Variants in SLC25A21 observed in about 807,000 individuals in gnomAD.
SLC25A21 encodes the protein mitochondrial 2-oxodicarboxylate carrier.
In SLC25A21, 47 loss-of-function variants were observed where a neutral mutation model predicts 43.8. The observed-to-expected ratio is 1.07, with a 90% CI of 0.85 to 1.37. SLC25A21 has a LOEUF of 1.37. SLC25A21 is among the 40% of genes most tolerant of loss of function. The pLI, the probability that SLC25A21 is intolerant of heterozygous loss-of-function variation, is 0.00. For synonymous variants in SLC25A21, 131 were observed against 121.3 expected (o/e 1.08, Z -0.52); for missense variants, 352 against 350.2 (o/e 1.00, Z -0.04).
intron 3 of SLC25A21, among the ~76,000 whole-genome samples, chr14:36,774,242 C>T (rs1039468146): frequency 3.3e-5 from 5 of 152,118 alleles, no homozygotes; most frequent in Admixed American, 1.3e-4. Flanking sequence ...AATAGAAACT[C>T]GACATTTGTA....
intron 4 of SLC25A21, among the ~76,000 whole-genome samples, chr14:36,730,270 C>T (rs557518771): frequency 2.0e-5 from 3 of 152,208 alleles, no homozygotes; most frequent in Admixed American, 6.5e-5. Flanking sequence ...TCAATGGAGG[C>T]GAATCTAATC....
chr14:37,075,982 G>C (rs1962272902), intron 1 of SLC25A21, among the ~76,000 whole-genome samples: 1 of 152,232 alleles, frequency 6.6e-6, no homozygotes, highest in Non-Finnish European at 1.5e-5. Context: ...AGCGGAAGCT[G>C]TGAGGATGGG....
At chr14:36,952,050 A>G (rs1375649200) in intron 1 of SLC25A21, among the ~76,000 whole-genome samples, 2 of 152,092 alleles carry the variant, frequency 1.3e-5, no homozygotes, top group Non-Finnish European at 2.9e-5. Context: ...CCTGGCCAAC[A>G]TGATGAAACC....
At position 37,052,891 on chromosome 14, in the gene SLC25A21, G is replaced by A. The variant is rs570906789; in HGVS notation, c.70+119390C>T. On this transcript the variant is annotated intron_variant, in intron 1 of 9. Coordinates refer to ENST00000331299, the MANE Select transcript of SLC25A21 (RefSeq NM_030631.4). ...GGCCTCAAGTGATCCACCTGCTTCGGCCTCCAAAAGTGTTAAGATTACAGG... is the reference window on the plus strand; with the variant it reads ...GGCCTCAAGTGATCCACCTGCTTCGACCTCCAAAAGTGTTAAGATTACAGG... Among the ~76,000 whole-genome samples, 5 of 152,256 alleles carry A rather than the reference G, an allele frequency of 3.3e-5. No homozygotes were observed. The East Asian group carries it at 7.7e-4, about 24-fold the overall frequency.
intron 2 of SLC25A21, among the ~76,000 whole-genome samples, chr14:36,823,819 C>T (rs1888722828): frequency 6.6e-6 from 1 of 152,190 alleles, no homozygotes; most frequent in Non-Finnish European, 1.5e-5. Flanking sequence ...AGTCCACAAG[C>T]TTTTCCTGTA....
chr14:37,152,820 G>A (rs1375821794), intron 1 of SLC25A21, among the ~76,000 whole-genome samples: 1 of 152,164 alleles, frequency 6.6e-6, no homozygotes, highest in Non-Finnish European at 1.5e-5. Context: ...GACAATAGAA[G>A]ACTAATCAAA....
At chr14:37,031,626 C>A (rs1343411405) in intron 1 of SLC25A21, among the ~76,000 whole-genome samples, 1 of 152,206 alleles carries the variant, frequency 6.6e-6, no homozygotes, top group Admixed American at 6.5e-5. Context: ...GTAACCATAT[C>A]GAAAGCTAGG....
In SLC25A21 at chr14:36,679,766, T is replaced by G; in HGVS notation, c.*892A>C. On this transcript the variant is annotated 3_prime_UTR_variant, in exon 10 of 10. Coordinates refer to ENST00000331299, the MANE Select transcript of SLC25A21 (RefSeq NM_030631.4). Reference sequence around the variant, plus strand: ...AGGTAGGCATGCTGAATAAAGGTATTTGGATGCAAATACTGATGGCTGACA... The same window carrying G: ...AGGTAGGCATGCTGAATAAAGGTATGTGGATGCAAATACTGATGGCTGACA... 5 of 985,388 alleles carry G rather than the reference T, an allele frequency of 5.1e-6. No individual in the cohort carries two copies. The highest frequency in any genetic ancestry group is 6.0e-6 in the Non-Finnish European group (5 of 829,870). 61.0% of individuals were successfully genotyped at this position (985,388 alleles called of 1,614,324 possible).
At chr14:36,920,327 C>T (rs776139947) in intron 1 of SLC25A21, among the ~76,000 whole-genome samples, 5 of 151,954 alleles carry the variant, frequency 3.3e-5, no homozygotes, top group Non-Finnish European at 7.4e-5. Context: ...ACACAGGAGA[C>T]AAGAATGTGG....
At chr14:36,814,043 T>C in intron 2 of SLC25A21, 42 bp from the exon 3 acceptor site, 1 of 1,388,722 alleles carries the variant, frequency 7.2e-7, no homozygotes, top group Non-Finnish European at 1.0e-6. Context: ...TTAAAGATTT[T>C]GCCAAATGGC....
At chr14:36,737,135 A>C (rs1234075544) in intron 3 of SLC25A21, among the ~76,000 whole-genome samples, 1 of 152,186 alleles carries the variant, frequency 6.6e-6, no homozygotes, top group African/African-American at 2.4e-5. Flanking sequence ...AAAGAACAAG[A>C]AGACATGGGC....
At chr14:36,867,044 G>C (rs1890233221) in intron 2 of SLC25A21, among the ~76,000 whole-genome samples, 1 of 152,070 alleles carries the variant, frequency 6.6e-6, no homozygotes, top group Non-Finnish European at 1.5e-5. Context: ...TCTAGATGGA[G>C]TCTGGGGTTT....
Position 36,679,020 on chromosome 14 carries a change from T to G in SLC25A21, c.*1638A>C. ...GATGGTAAAAGTGTTGCTTTTAAAC[T>G]GGCAAATGCACTCTTCAGAAATCCT... On this transcript the variant is annotated 3_prime_UTR_variant, in exon 10 of 10. Transcript: ENST00000331299. 1.7e-5 allele frequency: 16 copies of G among 927,190 alleles called. No homozygotes were observed. Among genetic ancestry groups the G allele is most frequent in the Non-Finnish European group, 2.0e-5 (16 of 781,562 alleles). The allele number at this position is 927,190 out of a possible 1,614,324, so 57.4% of individuals were successfully genotyped here. A position where few individuals can be genotyped will look rare whatever the true frequency, so the allele number is the denominator to read the frequency against.
intron 1 of SLC25A21, among the ~76,000 whole-genome samples, chr14:37,133,385 C>T (rs1963424300): frequency 1.3e-5 from 2 of 152,006 alleles, no homozygotes; most frequent in African/African-American, 4.8e-5. Flanking sequence ...CTGTGAGGCT[C>T]TTTCTCCACT....
intron 2 of SLC25A21, among the ~76,000 whole-genome samples, chr14:36,863,439 A>C (rs1239568000): frequency 6.6e-6 from 1 of 152,178 alleles, no homozygotes; most frequent in East Asian, 1.9e-4. Context: ...TACACACTTT[A>C]CAAAGGTTCC....
At chr14:36,756,020 T>C (rs1885914973) in intron 3 of SLC25A21, among the ~76,000 whole-genome samples, 2 of 152,216 alleles carry the variant, frequency 1.3e-5, no homozygotes, top group African/African-American at 2.4e-5. Context: ...GAATTTGGCT[T>C]GATTTCTACA....
intron 1 of SLC25A21, among the ~76,000 whole-genome samples, chr14:36,996,220 C>G (rs911007): frequency 0.086 from 13,085 of 152,176 alleles, 603 homozygotes; most frequent in African/African-American, 0.12. Flanking sequence ...TAATATTCAG[C>G]TAACTTTCAA....
At chr14:37,070,453 A>C (rs916378382) in intron 1 of SLC25A21, among the ~76,000 whole-genome samples, 3 of 152,198 alleles carry the variant, frequency 2.0e-5, no homozygotes, top group African/African-American at 7.2e-5. Context: ...GGATTCAATA[A>C]ATCAGAAAGC....
intron 9 of SLC25A21, among the ~76,000 whole-genome samples, chr14:36,682,916 T>C (rs1036310821): frequency 2.6e-5 from 4 of 152,124 alleles, no homozygotes; most frequent in Admixed American, 2.6e-4. Flanking sequence ...TTAATAGAAA[T>C]GTTGGTTCAT....
Sources: gnomAD v4.1 joint callset for allele counts (sites outside exome capture counted in the v4.1 genomes callset) on GRCh38, gnomAD v4.1.1 for gene constraint, MANE v1.5 for transcripts, NCBI Gene and HGNC (gene_info 2026-07-23, HGNC 2026-07-21) for gene names.